The following CNTNAP5 variants were observed in gnomAD, a reference collection of about 807,000 sequenced individuals.
The protein encoded by CNTNAP5 is contactin-associated protein-like 5.
In CNTNAP5, 72 loss-of-function variants were observed where a neutral mutation model predicts 150.2. That is an observed-to-expected ratio of 0.48 (90% CI 0.40 to 0.58). The LOEUF (loss-of-function observed/expected upper bound fraction) is 0.58, where lower values mean the gene tolerates loss of function less well. Ranked by LOEUF, CNTNAP5 falls within the 20% of genes least tolerant of loss-of-function variation. CNTNAP5 has a pLI of 0.00. For missense variants in CNTNAP5, 1,636 were observed against 1,626.2 expected, an observed-to-expected ratio of 1.01 and a Z score of -0.10; for synonymous variants, 672 against 619.8, an observed-to-expected ratio of 1.08 and a Z score of -1.25.
At chr2:124,764,393 C>T (rs777140662) in intron 16 of CNTNAP5, among the ~76,000 whole-genome samples, 1 of 152,200 alleles carries the variant, frequency 6.6e-6, no homozygotes, top group Non-Finnish European at 1.5e-5. Context: ...ACACCTATTA[C>T]AGTTTCCAAA....
chr2:124,545,191 A>G (rs1428211847), intron 10 of CNTNAP5, among the ~76,000 whole-genome samples: 2 of 152,140 alleles, frequency 1.3e-5, no homozygotes, highest in African/African-American at 2.4e-5. Flanking sequence ...TTTTTTCTAA[A>G]ATAAGAGAGT....
intron 7 of CNTNAP5, among the ~76,000 whole-genome samples, chr2:124,478,652 T>C (rs1330808013): frequency 3.9e-5 from 6 of 152,088 alleles, no homozygotes; most frequent in Non-Finnish European, 8.8e-5. Flanking sequence ...AAGCTTAAAG[T>C]TTCCCCCAAA....
intron 23 of CNTNAP5, among the ~76,000 whole-genome samples, chr2:124,913,306 C>T (rs1040412755): frequency 4.6e-5 from 7 of 152,088 alleles, no homozygotes; most frequent in African/African-American, 1.7e-4. Flanking sequence ...CATGTTTTCA[C>T]TATTCCTTTA....
At chr2:124,683,379 T>C (rs1679114206) in intron 13 of CNTNAP5, among the ~76,000 whole-genome samples, 1 of 152,218 alleles carries the variant, frequency 6.6e-6, no homozygotes, top group Non-Finnish European at 1.5e-5. Context: ...AACTTTTTTT[T>C]ATTAAAACAG....
intron 19 of CNTNAP5, among the ~76,000 whole-genome samples, chr2:124,864,573 TCACA>T (rs10531893): frequency 0.19 from 27,882 of 149,494 alleles, 3,117 homozygotes; most frequent in African/African-American, 0.31. Flanking sequence ...TCTCTGTGTC[TCACA>T]CACACACACA....
rs138509921 is a variant in CNTNAP5, at chr2:124,749,843, C to T, written c.2234+2458C>T. Among the ~76,000 whole-genome samples the T allele has an allele frequency of 3.3e-3, 508 of 152,270 alleles. 3 individuals are homozygous for T. Among genetic ancestry groups the T allele is most frequent in the Middle Eastern group, 0.031 (9 of 294 alleles). On this transcript the variant is annotated intron_variant, in intron 14 of 23. Coordinates refer to ENST00000682447, the MANE Select transcript of CNTNAP5 (RefSeq NM_001367498.1). ...TCTCCTCTTACTTGGGAACAACTGA[C>T]CCAGGCTTAAATTACTGCACACTGA...
At chr2:124,148,950 GCA>G (rs1684334903) in intron 1 of CNTNAP5, among the ~76,000 whole-genome samples, 2 of 151,436 alleles carry the variant, frequency 1.3e-5, no homozygotes, top group Admixed American at 6.6e-5. Context: ...ACATATATAG[GCA>G]CACACACTCA....
At chr2:124,478,866 G>A (rs1243689342) in intron 7 of CNTNAP5, among the ~76,000 whole-genome samples, 1 of 152,176 alleles carries the variant, frequency 6.6e-6, no homozygotes, top group Admixed American at 6.5e-5. Context: ...ATTATAAAAT[G>A]TGTTTCAAGG....
intron 21 of CNTNAP5, among the ~76,000 whole-genome samples, chr2:124,899,115 A>G (rs1188227979): frequency 6.6e-6 from 1 of 151,588 alleles, no homozygotes; most frequent in Non-Finnish European, 1.5e-5. Context: ...TCTACAATGT[A>G]TGCATATATC....
chr2:124,868,019 C>T (rs1425643519), intron 20 of CNTNAP5, among the ~76,000 whole-genome samples: 1 of 152,120 alleles, frequency 6.6e-6, no homozygotes, highest in Non-Finnish European at 1.5e-5. Context: ...TTTATCTCTC[C>T]TTCTCTTACA....
At chr2:124,176,443 G>T (rs1399197754) in intron 1 of CNTNAP5, among the ~76,000 whole-genome samples, 1 of 152,148 alleles carries the variant, frequency 6.6e-6, no homozygotes, top group Admixed American at 6.5e-5. Context: ...TAGTATAGGG[G>T]CCAAGGGAAA....
intron 19 of CNTNAP5, among the ~76,000 whole-genome samples, chr2:124,830,942 C>A (rs1409860315): frequency 2.6e-5 from 4 of 152,006 alleles, no homozygotes; most frequent in Non-Finnish European, 2.9e-5. Flanking sequence ...AGACATAAAT[C>A]TGAAAAGCTT....
chr2:124,350,129 G>C (rs111245470), intron 3 of CNTNAP5, among the ~76,000 whole-genome samples: 4,801 of 151,730 alleles, frequency 0.032, 264 homozygotes, highest in African/African-American at 0.11. Context: ...TGATCCGCCC[G>C]CCTTTGCCTC....
At chr2:124,570,773 T>C (rs527953469) in intron 11 of CNTNAP5, among the ~76,000 whole-genome samples, 1 of 152,150 alleles carries the variant, frequency 6.6e-6, no homozygotes, top group Non-Finnish European at 1.5e-5. Flanking sequence ...AAGGCATATC[T>C]AAAATTGGAT....
At chr2:124,861,465 G>C (rs1172050657) in intron 19 of CNTNAP5, among the ~76,000 whole-genome samples, 1 of 151,960 alleles carries the variant, frequency 6.6e-6, no homozygotes, top group Non-Finnish European at 1.5e-5. Flanking sequence ...GTGCAAGCCT[G>C]TAATCCCAGC....
At chr2:124,471,713 G>T (rs1573396376) in intron 6 of CNTNAP5, among the ~76,000 whole-genome samples, 1 of 151,948 alleles carries the variant, frequency 6.6e-6, no homozygotes, top group African/African-American at 2.4e-5. Flanking sequence ...TCATATGTGG[G>T]TCTTATTATT....
chr2:124,734,340 G>A (rs547284261), intron 13 of CNTNAP5, among the ~76,000 whole-genome samples: 1 of 152,112 alleles, frequency 6.6e-6, no homozygotes, highest in Admixed American at 6.6e-5. Context: ...ATGAGAGAAC[G>A]TTTGACACAG....
chr2:124,492,209 A>T (rs1037298023), intron 7 of CNTNAP5, among the ~76,000 whole-genome samples: 1 of 152,090 alleles, frequency 6.6e-6, no homozygotes, highest in African/African-American at 2.4e-5. Flanking sequence ...TCAAGGATAT[A>T]TTCATCTATA....
chr2:124,172,693 T>C (rs1684961653), intron 1 of CNTNAP5, among the ~76,000 whole-genome samples: 1 of 152,162 alleles, frequency 6.6e-6, no homozygotes, highest in Admixed American at 6.6e-5. Context: ...GGATTACAGG[T>C]GTGAGCCATG....
Sources: allele counts gnomAD v4.1 joint callset (sites outside exome capture counted in the v4.1 genomes callset), GRCh38; gene constraint gnomAD v4.1.1; transcripts MANE v1.5; gene names NCBI Gene and HGNC (gene_info 2026-07-23, HGNC 2026-07-21).